Variants in GPC3 observed in about 807,000 individuals in gnomAD.
GPC3 encodes the protein glypican 3, also known as glypican-3.
A neutral mutation model predicts 34.4 loss-of-function variants in GPC3; 3 were observed. That is an observed-to-expected ratio of 0.09 (90% confidence interval 0.04 to 0.23). GPC3 has a LOEUF of 0.23. Among genes scored for constraint, GPC3 ranks in the 10% least tolerant of loss-of-function variants. The pLI is 1.00. For synonymous variants in GPC3, 177 were observed against 174.0 expected (o/e 1.02, Z -0.13); for missense variants, 351 against 445.6 (o/e 0.79, Z 1.91).
At chrX:133,682,292 C>G (rs1368188195) in intron 5 of GPC3, among the ~76,000 whole-genome samples, 2 of 111,423 alleles carry the variant, frequency 1.8e-5, no homozygotes, top group African/African-American at 6.5e-5. Context: ...AAGGAAACAG[C>G]CCTATTATTT....
chrX:133,907,027 G>A (rs1446669017), intron 2 of GPC3, among the ~76,000 whole-genome samples: 1 of 109,616 alleles, frequency 9.1e-6, no homozygotes, highest in African/African-American at 3.3e-5. Flanking sequence ...CTTGAACCCG[G>A]GAGGCGGAGC....
At chrX:133,661,540 G>GAAC (rs1281253453) in intron 6 of GPC3, among the ~76,000 whole-genome samples, 190 bp downstream of exon 6, 2 of 93,257 alleles carry the variant, frequency 2.1e-5, no homozygotes, top group Non-Finnish European at 4.1e-5. Flanking sequence ...AATATAGTTT[G>GAAC]AACAGTGGAA....
intron 7 of GPC3, among the ~76,000 whole-genome samples, chrX:133,540,274 T>C (rs1473274126): frequency 8.9e-6 from 1 of 112,778 alleles, no homozygotes; most frequent in African/African-American, 3.2e-5. Flanking sequence ...GCAGCTCAAT[T>C]TGCAATTGCA....
chrX:133,643,143 C>G (rs2070500384), intron 6 of GPC3, among the ~76,000 whole-genome samples: 1 of 112,011 alleles, frequency 8.9e-6, no homozygotes, highest in Non-Finnish European at 1.9e-5. Context: ...CAGCTAGAAT[C>G]CTGGATGGTG....
chrX:133,972,002 G>A (rs1316423559), intron 1 of GPC3, among the ~76,000 whole-genome samples: 1 of 111,828 alleles, frequency 8.9e-6, no homozygotes, highest in Non-Finnish European at 1.9e-5. Flanking sequence ...TTGAATAAAT[G>A]CTGGTTCCAA....
chrX:133,618,700 CAAA>C (rs199558969), intron 6 of GPC3, among the ~76,000 whole-genome samples: 9 of 41,452 alleles, frequency 2.2e-4, no homozygotes, highest in South Asian at 1.2e-3. Context: ...GACACTGTAT[CAAA>C]AAAAAAAAAA....
intron 2 of GPC3, among the ~76,000 whole-genome samples, chrX:133,836,566 T>C (rs1014330584): frequency 9.0e-6 from 1 of 111,612 alleles, no homozygotes; most frequent in Admixed American, 9.6e-5. Context: ...AAGTTAGTTA[T>C]TTTTTTTAAG....
chrX:133,912,343 C>T (rs1204343277), intron 2 of GPC3, among the ~76,000 whole-genome samples: 1 of 111,901 alleles, frequency 8.9e-6, no homozygotes, highest in Non-Finnish European at 1.9e-5. Flanking sequence ...CAGCTAAATC[C>T]TGAGAATTAT....
intron 5 of GPC3, among the ~76,000 whole-genome samples, chrX:133,687,092 ATTTTTTTTTT>A (rs775110101): frequency 1.4e-5 from 1 of 69,278 alleles, no homozygotes; most frequent in Non-Finnish European, 2.4e-5. Context: ...TGGCCGGCTA[ATTTTTTTTTT>A]TTTTTTTTTT....
intron 2 of GPC3, among the ~76,000 whole-genome samples, chrX:133,802,185 A>G (rs1198043958): frequency 9.0e-6 from 1 of 111,677 alleles, no homozygotes; most frequent in Non-Finnish European, 1.9e-5. Flanking sequence ...GGGATCATGT[A>G]CTCTAATCTT....
At chrX:133,695,918 C>CT (rs1167304285) in intron 4 of GPC3, among the ~76,000 whole-genome samples, 1 of 111,986 alleles carries the variant, frequency 8.9e-6, no homozygotes, top group Non-Finnish European at 1.9e-5. Flanking sequence ...GGCTTGTTCT[C>CT]TGAGTTCTTT....
intron 2 of GPC3, among the ~76,000 whole-genome samples, chrX:133,912,537 G>T (rs760117566): frequency 1.9e-5 from 2 of 107,181 alleles, no homozygotes; most frequent in South Asian, 8.6e-4. Flanking sequence ...GGTGGGGGAA[G>T]GGGGGTGCGT....
At chrX:133,806,022 T>C (rs2075633698) in intron 2 of GPC3, among the ~76,000 whole-genome samples, 1 of 112,263 alleles carries the variant, frequency 8.9e-6, no homozygotes, top group Admixed American at 9.4e-5. Flanking sequence ...GCCAGTTATA[T>C]GTGGAAAATA....
At chrX:133,888,087 C>T (rs776822054) in intron 2 of GPC3, among the ~76,000 whole-genome samples, 161 of 109,823 alleles carry the variant, frequency 1.5e-3, no homozygotes, top group African/African-American at 4.8e-3. Context: ...CCACACCCCA[C>T]GACAGGCCCC....
intron 6 of GPC3, among the ~76,000 whole-genome samples, chrX:133,613,951 T>C (rs1199128971): frequency 1.8e-5 from 2 of 110,183 alleles, no homozygotes; most frequent in Non-Finnish European, 3.8e-5. Flanking sequence ...AATTCTGGAG[T>C]TGAAAAGTAA....
intron 2 of GPC3, among the ~76,000 whole-genome samples, chrX:133,901,633 G>A (rs1297664632): frequency 9.1e-6 from 1 of 110,098 alleles, no homozygotes; most frequent in African/African-American, 3.3e-5. Context: ...TAGAGATGGG[G>A]TTTCACCATG....
intron 3 of GPC3, among the ~76,000 whole-genome samples, chrX:133,737,501 C>T (rs2071522845): frequency 9.0e-6 from 1 of 111,677 alleles, no homozygotes; most frequent in Non-Finnish European, 1.9e-5. Context: ...CTCAATTTTG[C>T]TACAAATCTG....
chrX:133,913,891 G>A (rs1026922670), intron 2 of GPC3, among the ~76,000 whole-genome samples: 1 of 108,530 alleles, frequency 9.2e-6, no homozygotes, highest in Non-Finnish European at 1.9e-5. Flanking sequence ...TCTTTAGGGA[G>A]CATAACCCAA....
At chrX:133,567,575 T>C (rs1016462588) in intron 7 of GPC3, among the ~76,000 whole-genome samples, 1 of 112,136 alleles carries the variant, frequency 8.9e-6, no homozygotes, top group Admixed American at 9.4e-5. Flanking sequence ...AATTTATCCT[T>C]GCCTTAGCTC....
Sources: allele counts gnomAD v4.1 joint callset (sites outside exome capture counted in the v4.1 genomes callset), GRCh38; gene constraint gnomAD v4.1.1; transcripts MANE v1.5; gene names NCBI Gene and HGNC (gene_info 2026-07-23, HGNC 2026-07-21).